The following CPNE4 variants were observed in gnomAD, a reference collection of about 807,000 sequenced individuals.
CPNE4 encodes copine 4.
In CPNE4, 25 loss-of-function variants were observed where a neutral mutation model predicts 67.9. The observed-to-expected ratio is 0.37, with a 90% confidence interval of 0.27 to 0.51. CPNE4 has a LOEUF of 0.51. Among genes scored for constraint, CPNE4 ranks in the 20% least tolerant of loss-of-function variants. The pLI is 0.93. For missense variants in CPNE4, 464 were observed against 690.8 expected (o/e 0.67, Z 3.68); for synonymous variants, 242 against 244.9 (o/e 0.99, Z 0.11).
chr3:131,964,859 A>G (rs953437277), intron 1 of CPNE4, among the ~76,000 whole-genome samples: 1 of 152,178 alleles, frequency 6.6e-6, no homozygotes, highest in Admixed American at 6.5e-5. Context: ...ATTCAAATTC[A>G]GGAAATACAA....
intron 2 of CPNE4, among the ~76,000 whole-genome samples, chr3:131,797,844 T>A (rs1237296896): frequency 6.6e-6 from 1 of 152,146 alleles, no homozygotes; most frequent in East Asian, 1.9e-4. Context: ...AATTACCCCA[T>A]GCATTACTCA....
intron 5 of CPNE4, among the ~76,000 whole-genome samples, chr3:131,688,826 A>G (rs907338781): frequency 2.0e-5 from 3 of 149,248 alleles, no homozygotes; most frequent in Non-Finnish European, 4.5e-5. Context: ...GAATTTTGAT[A>G]AATCTTTTTC....
chr3:131,764,773 T>A (rs1444379497), intron 2 of CPNE4, among the ~76,000 whole-genome samples: 1 of 152,162 alleles, frequency 6.6e-6, no homozygotes, highest in Non-Finnish European at 1.5e-5. Context: ...TTTGTGTATT[T>A]ACTGGTAGAA....
At chr3:131,914,614 G>A (rs1042022448) in intron 1 of CPNE4, among the ~76,000 whole-genome samples, 7 of 147,242 alleles carry the variant, frequency 4.8e-5, no homozygotes, top group African/African-American at 1.8e-4. Flanking sequence ...TTGGGAAAAG[G>A]AGAAAAGCTG....
At chr3:132,023,605 A>G (rs1343170196) in intron 1 of CPNE4, among the ~76,000 whole-genome samples, 1 of 145,134 alleles carries the variant, frequency 6.9e-6, no homozygotes, top group African/African-American at 2.6e-5. Flanking sequence ...CTCCTGCCTC[A>G]GCCTCCCGAG....
At chr3:131,561,354 T>TGC (rs1936750460) in intron 11 of CPNE4, among the ~76,000 whole-genome samples, 1 of 151,588 alleles carries the variant, frequency 6.6e-6, no homozygotes, top group South Asian at 2.1e-4. Context: ...TGTGTGTGTG[T>TGC]GTGCGCACAT....
intron 1 of CPNE4, among the ~76,000 whole-genome samples, chr3:132,034,199 T>C (rs2074300067): frequency 1.3e-5 from 2 of 151,852 alleles, no homozygotes; most frequent in African/African-American, 2.4e-5. Context: ...AGAACTCCCT[T>C]CCCCTCCCCT....
chr3:131,669,527 C>G (rs2080351814), intron 7 of CPNE4, 148 bp downstream of exon 7: 2 of 580,278 alleles, frequency 3.4e-6, no homozygotes, highest in South Asian at 2.5e-5. Context: ...AGAAATAGCC[C>G]TTGTTTCTTC....
Position 131,542,591 on chromosome 3 carries a change from A to G in CPNE4, c.1505T>C (p.Ile502Thr), listed in dbSNP as rs1184839073. The G allele has an allele frequency of 6.2e-7, 1 of 1,614,064 alleles. No individual in the cohort carries two copies. The highest frequency in any genetic ancestry group is 2.2e-5 in the East Asian group (1 of 44,862). ...GTTCCTGAAGGGCACGAACTGGACG[A>G]TGTCTCGAAGAACAGGCTCTCCCTT... ...SPKGEPVLRD[I>T]VQFVPFRNFK... Residue 502 changes from isoleucine to threonine, a missense_variant, in exon 15 of 16, where the codon ATC becomes ACC. Ile to Thr is a moderately conservative substitution (Grantham distance 89). Transcript: ENST00000429747.
At chr3:131,538,222 G>A (rs553481780) in intron 15 of CPNE4, among the ~76,000 whole-genome samples, 5 of 152,330 alleles carry the variant, frequency 3.3e-5, no homozygotes, top group African/African-American at 1.2e-4. Flanking sequence ...CAGTATGGGA[G>A]GTCTTAGTCT....
intron 3 of CPNE4, among the ~76,000 whole-genome samples, chr3:131,715,831 G>A (rs1285046633): frequency 6.6e-6 from 1 of 152,196 alleles, no homozygotes; most frequent in Non-Finnish European, 1.5e-5. Context: ...AGGCAGTGAA[G>A]GATCACATCT....
chr3:131,771,684 T>C (rs2083169634), intron 2 of CPNE4, among the ~76,000 whole-genome samples: 1 of 152,144 alleles, frequency 6.6e-6, no homozygotes, highest in Non-Finnish European at 1.5e-5. Context: ...CCTGTTTTCT[T>C]TGTAAGTTAC....
chr3:131,580,147 TC>T (rs941920871), intron 9 of CPNE4, among the ~76,000 whole-genome samples: 10 of 152,092 alleles, frequency 6.6e-5, no homozygotes, highest in African/African-American at 2.4e-4. Context: ...CCAGATAAGG[TC>T]CTCCACCAGC....
At chr3:131,755,418 T>A (rs1264224596) in intron 2 of CPNE4, among the ~76,000 whole-genome samples, 1 of 152,178 alleles carries the variant, frequency 6.6e-6, no homozygotes, top group Non-Finnish European at 1.5e-5. Flanking sequence ...AATAAACTCC[T>A]TCCTCCTCAG....
chr3:131,633,130 A>T (rs2079276778), intron 7 of CPNE4, among the ~76,000 whole-genome samples: 1 of 152,134 alleles, frequency 6.6e-6, no homozygotes, highest in Admixed American at 6.5e-5. Context: ...CTCCACATCA[A>T]ATCTTTCAGG....
At chr3:131,947,625 C>G (rs1458633631) in intron 1 of CPNE4, among the ~76,000 whole-genome samples, 1 of 152,098 alleles carries the variant, frequency 6.6e-6, no homozygotes, top group Non-Finnish European at 1.5e-5. Flanking sequence ...TTTTATTTAT[C>G]CAGTCTATCA....
At chr3:131,670,032 T>C (rs1382047006) in intron 6 of CPNE4, among the ~76,000 whole-genome samples, 1 of 152,194 alleles carries the variant, frequency 6.6e-6, no homozygotes, top group Non-Finnish European at 1.5e-5. Flanking sequence ...ATGCTGAGAA[T>C]GATCCCTTCT....
intron 1 of CPNE4, among the ~76,000 whole-genome samples, chr3:131,909,959 CG>C (rs2088916080): frequency 1.3e-5 from 2 of 151,820 alleles, no homozygotes; most frequent in South Asian, 4.2e-4. Context: ...CTTTAAGCAA[CG>C]GGAAACAGAG....
intron 2 of CPNE4, among the ~76,000 whole-genome samples, chr3:131,773,475 G>C (rs937368418): frequency 6.6e-6 from 1 of 151,962 alleles, no homozygotes; most frequent in Non-Finnish European, 1.5e-5. Context: ...AGCCTCCCAA[G>C]TAGTTGGGAC....
Sources: allele counts gnomAD v4.1 joint callset (sites outside exome capture counted in the v4.1 genomes callset), GRCh38; gene constraint gnomAD v4.1.1; transcripts MANE v1.5; gene names NCBI Gene and HGNC (gene_info 2026-07-23, HGNC 2026-07-21).